The following NLGN1 variants were observed in gnomAD, a reference collection of about 807,000 sequenced individuals.
NLGN1 encodes the protein neuroligin-1.
NLGN1 carries 12 observed loss-of-function variants against 65.5 expected under a neutral mutation model. That is an observed-to-expected ratio of 0.18 (90% confidence interval 0.12 to 0.30). NLGN1 has a LOEUF of 0.30. NLGN1 is among the 10% of genes least tolerant of loss of function. NLGN1 has a pLI of 1.00. For synonymous variants in NLGN1, 350 were observed against 359.5 expected, an observed-to-expected ratio of 0.97 and a Z score of 0.30; for missense variants, 750 against 1,007.1, an observed-to-expected ratio of 0.74 and a Z score of 3.46.
chr3:173,425,726 T>C (rs998904734), intron 1 of NLGN1, among the ~76,000 whole-genome samples: 5 of 152,216 alleles, frequency 3.3e-5, no homozygotes, highest in Non-Finnish European at 5.9e-5. Flanking sequence ...GCTGTTTTAG[T>C]TACTATAGCC....
chr3:174,264,983 T>C (rs371741161), intron 4 of NLGN1, among the ~76,000 whole-genome samples: 2 of 152,104 alleles, frequency 1.3e-5, no homozygotes, highest in Admixed American at 6.5e-5. Flanking sequence ...GTGCCTCCCA[T>C]TTAGGCTGCT....
At chr3:174,024,261 C>T (rs1234623166) in intron 4 of NLGN1, among the ~76,000 whole-genome samples, 2 of 151,480 alleles carry the variant, frequency 1.3e-5, no homozygotes, top group Admixed American at 1.3e-4. Context: ...TTCATGATTC[C>T]TATCAATAGG....
intron 3 of NLGN1, among the ~76,000 whole-genome samples, chr3:173,805,838 G>T (rs1716517768): frequency 6.6e-6 from 1 of 152,082 alleles, no homozygotes. Flanking sequence ...TAGCAAACAG[G>T]CATTTAAGGT....
intron 3 of NLGN1, among the ~76,000 whole-genome samples, chr3:173,736,943 T>C (rs1292386887): frequency 1.3e-5 from 2 of 152,076 alleles, no homozygotes; most frequent in Admixed American, 6.6e-5. Flanking sequence ...GAGATTTTAA[T>C]GGTGGCAGTA....
At chr3:174,128,985 G>A (rs1166647065) in intron 4 of NLGN1, among the ~76,000 whole-genome samples, 1 of 152,062 alleles carries the variant, frequency 6.6e-6, no homozygotes, top group Non-Finnish European at 1.5e-5. Context: ...AGAGCAGAAC[G>A]TTGCATCTGT....
At chr3:174,243,139 A>C (rs958434163) in intron 4 of NLGN1, among the ~76,000 whole-genome samples, 1 of 152,344 alleles carries the variant, frequency 6.6e-6, no homozygotes, top group Admixed American at 6.5e-5. Flanking sequence ...AGATTATCTG[A>C]GCAGGCCCAA....
At chr3:174,231,981 A>G (rs893117129) in intron 4 of NLGN1, among the ~76,000 whole-genome samples, 1 of 152,192 alleles carries the variant, frequency 6.6e-6, no homozygotes, top group Non-Finnish European at 1.5e-5. Context: ...CTGTACATGC[A>G]AAGCAGCCCC....
chr3:173,981,350 G>A (rs756177319), intron 4 of NLGN1, among the ~76,000 whole-genome samples: 3 of 152,208 alleles, frequency 2.0e-5, no homozygotes, highest in Non-Finnish European at 4.4e-5. Context: ...TAGTATTTGG[G>A]TGGTTTCACA....
chr3:174,148,875 T>G (rs1316192788), intron 4 of NLGN1, among the ~76,000 whole-genome samples: 1 of 152,218 alleles, frequency 6.6e-6, no homozygotes, highest in African/African-American at 2.4e-5. Flanking sequence ...AATTATATTA[T>G]TCTGCTATTG....
At chr3:174,165,283 C>G (rs1727290778) in intron 4 of NLGN1, among the ~76,000 whole-genome samples, 1 of 152,040 alleles carries the variant, frequency 6.6e-6, no homozygotes, top group Non-Finnish European at 1.5e-5. Flanking sequence ...TTCCATCTCT[C>G]AAGGAAAATG....
intron 3 of NLGN1, among the ~76,000 whole-genome samples, chr3:173,611,619 T>C (rs1468898211): frequency 6.6e-6 from 1 of 152,046 alleles, no homozygotes; most frequent in African/African-American, 2.4e-5. Flanking sequence ...TGGACAGATG[T>C]GGTTATGTCT....
intron 2 of NLGN1, among the ~76,000 whole-genome samples, chr3:173,575,717 G>C (rs1475913418): frequency 6.6e-6 from 1 of 152,066 alleles, no homozygotes; most frequent in Non-Finnish European, 1.5e-5. Context: ...AGTCAACTCA[G>C]TATCAGTATC....
chr3:173,478,878 C>T (rs1726748773), intron 2 of NLGN1, among the ~76,000 whole-genome samples: 1 of 150,360 alleles, frequency 6.7e-6, no homozygotes, highest in Non-Finnish European at 1.5e-5. Context: ...GGAGACAGAG[C>T]AAGACCGTGT....
intron 3 of NLGN1, among the ~76,000 whole-genome samples, chr3:173,679,740 A>T (rs980713093): frequency 6.6e-6 from 1 of 152,134 alleles, no homozygotes; most frequent in African/African-American, 2.4e-5. Flanking sequence ...TTGAAGTAAG[A>T]TGCCAGGAAC....
At chr3:173,864,189 CATAAT>C (rs1338612846) in intron 4 of NLGN1, among the ~76,000 whole-genome samples, 7 of 152,018 alleles carry the variant, frequency 4.6e-5, no homozygotes, top group Non-Finnish European at 8.8e-5. Flanking sequence ...GTTTCACAAG[CATAAT>C]ATGACAGGAA....
At chr3:173,515,220 G>T (rs1300045521) in intron 2 of NLGN1, among the ~76,000 whole-genome samples, 1 of 152,072 alleles carries the variant, frequency 6.6e-6, no homozygotes, top group Non-Finnish European at 1.5e-5. Flanking sequence ...ATATCTCATT[G>T]TGGTTTTGAC....
At chr3:174,143,845 GATTA>G (rs1294955053) in intron 4 of NLGN1, among the ~76,000 whole-genome samples, 5 of 152,138 alleles carry the variant, frequency 3.3e-5, no homozygotes, top group Admixed American at 6.5e-5. Flanking sequence ...AATGTTGCTT[GATTA>G]ATTAGTGTAC....
rs904422327 is a variant in NLGN1, at chr3:173,775,490, C to T, written c.494-32190C>T. 6.6e-5 allele frequency among the ~76,000 whole-genome samples: 10 copies of T among 151,808 alleles called. No individual in the cohort carries two copies. The Middle Eastern group carries it at 0.01, about 155-fold the overall frequency. ...TGATGCTTTTTTTTTTCCCACCATA[C>T]GATTGGGATCATGCCTCCTGCATGA... On this transcript the variant is annotated intron_variant, in intron 3 of 6. Coordinates refer to ENST00000457714, the Ensembl canonical transcript of NLGN1.
intron 4 of NLGN1, among the ~76,000 whole-genome samples, chr3:174,159,751 A>G (rs1726149700): frequency 6.6e-6 from 1 of 151,754 alleles, no homozygotes; most frequent in African/African-American, 2.4e-5. Context: ...CATCAAAGTA[A>G]GTTATCACCT....
Sources: gnomAD v4.1 joint callset for allele counts (sites outside exome capture counted in the v4.1 genomes callset) on GRCh38, gnomAD v4.1.1 for gene constraint, MANE v1.5 for transcripts, NCBI Gene and HGNC (gene_info 2026-07-23, HGNC 2026-07-21) for gene names.